Variants in PLEKHG3 observed in about 807,000 individuals in gnomAD.
PLEKHG3 encodes the protein pleckstrin homology and RhoGEF domain containing G3, also known as pleckstrin homology domain-containing family G member 3.
A neutral mutation model predicts 94.9 loss-of-function variants in PLEKHG3; 62 were observed. The ratio of observed to expected loss-of-function variants is 0.65; its 90% CI spans 0.53 to 0.81. The LOEUF is 0.81. Ranked by LOEUF, PLEKHG3 falls within the 30% of genes least tolerant of loss-of-function variation. PLEKHG3 has a pLI of 0.00. For synonymous variants in PLEKHG3, 614 were observed against 654.0 expected, an observed-to-expected ratio of 0.94 and a Z score of 0.93; for missense variants, 1,461 against 1,619.3, an observed-to-expected ratio of 0.90 and a Z score of 1.68.
At position 64,722,818 on chromosome 14, in the gene PLEKHG3, C is replaced by G. The variant is rs187923611; in HGVS notation, c.-39-4775C>G. 3.9e-5 allele frequency among the ~76,000 whole-genome samples: 6 copies of G among 152,286 alleles called. No individual in the cohort carries two copies. In the East Asian group the frequency reaches 1.2e-3, roughly 29 times the overall value. ...CAACTCACTGGCCTGGGAGGGAGAG[C>G]CAGTGGGAGTGGGCTGACTCCTGGG... On this transcript the variant is annotated intron_variant, in intron 1 of 16. Coordinates refer to ENST00000247226, the MANE Select transcript of PLEKHG3 (RefSeq NM_001308147.2). The surrounding 1 kb of genome is among the most constrained non-coding windows in gnomAD (Gnocchi z 4.3).
intron 1 of PLEKHG3, among the ~76,000 whole-genome samples, chr14:64,707,122 G>A (rs1030727039): frequency 6.6e-6 from 1 of 152,154 alleles, no homozygotes; most frequent in African/African-American, 2.4e-5. Flanking sequence ...CCTTTGTTCC[G>A]TGGCTGCAAA....
At chr14:64,706,568 G>A (rs562523211) in intron 1 of PLEKHG3, among the ~76,000 whole-genome samples, 6 of 152,330 alleles carry the variant, frequency 3.9e-5, no homozygotes, top group African/African-American at 1.4e-4. Context: ...GGCTCGGGAG[G>A]GAGTCTCCCA....
intron 1 of PLEKHG3, among the ~76,000 whole-genome samples, chr14:64,712,907 C>T (rs1263883184): frequency 6.6e-6 from 1 of 152,140 alleles, no homozygotes; most frequent in Non-Finnish European, 1.5e-5. Context: ...AAAGCATTGT[C>T]TTTCTCCATT....
In PLEKHG3 at chr14:64,732,332, T is replaced by C. The variant is rs2081483866; in HGVS notation, c.1213-95T>C. 1.6e-6 allele frequency: 2 copies of C among 1,290,288 alleles called. No homozygotes were observed. The highest frequency in any genetic ancestry group is 2.3e-6 in the Non-Finnish European group (2 of 885,900). 79.9% of individuals were successfully genotyped at this position (1,290,288 alleles called of 1,614,324 possible). On this transcript the variant is annotated intron_variant, in intron 10 of 16. Transcript: ENST00000247226. The surrounding 1 kb of genome is among the most constrained non-coding windows in gnomAD (Gnocchi z 4.9). ...GATGCCCCGGGCCTTGGTGCAGCAC[T>C]GTGGGGTGTCCTCGTACAGCAACAG...
At position 64,718,263 on chromosome 14, in the gene PLEKHG3, C is replaced by T. The variant is rs2081203263; in HGVS notation, c.-39-9330C>T. ...TACTCTGTTTATATGGCCATTTTTC[C>T]TTCTGAAGTTCAAGTTCTTCAAAGA... On this transcript the variant is annotated intron_variant, in intron 1 of 16. Transcript: ENST00000247226. This position sits in a 1 kb window ranked among gnomAD's most constrained non-coding sequence, Gnocchi z 5.0. 6.6e-6 allele frequency among the ~76,000 whole-genome samples: 1 copy of T among 152,154 alleles called. No homozygotes were observed. The highest frequency in any genetic ancestry group is 1.5e-5 in the Non-Finnish European group (1 of 68,026).
In PLEKHG3 at chr14:64,721,603, T is replaced by G. The variant is rs1165507445; in HGVS notation, c.-39-5990T>G. 6.6e-6 allele frequency among the ~76,000 whole-genome samples: 1 copy of G among 152,160 alleles called. No homozygotes were observed. The highest frequency in any genetic ancestry group is 1.5e-5 in the Non-Finnish European group (1 of 68,016). ...GGCCCAGAAACCTTGGTCACACTGT[T>G]GGCACAGCCTCTGCAGGCAGTCACG... is the stretch of plus-strand genomic sequence containing the variant. On this transcript the variant is annotated intron_variant, in intron 1 of 16. Transcript: ENST00000247226. The surrounding 1 kb of genome is among the most constrained non-coding windows in gnomAD (Gnocchi z 4.3).
Position 64,738,365 on chromosome 14 carries a change from G to C in PLEKHG3, c.1405-377G>C, listed in dbSNP as rs115650566. The C allele has an allele frequency of 2.3e-6, 1 of 427,536 alleles. No individual in the cohort carries two copies. The highest frequency in any genetic ancestry group is 6.7e-5 in the East Asian group (1 of 14,946). 26.5% of individuals were successfully genotyped at this position (427,536 alleles called of 1,614,324 possible). On this transcript the variant is annotated intron_variant, in intron 14 of 16. Coordinates refer to ENST00000247226, the MANE Select transcript of PLEKHG3 (RefSeq NM_001308147.2). The surrounding 1 kb of genome is among the most constrained non-coding windows in gnomAD (Gnocchi z 4.8). ...CCCTCAGCACTTAACACCATCGCTCGCTGTCACACCCTGGTGAGCCCCTGG... is the reference window on the plus strand; with the variant it reads ...CCCTCAGCACTTAACACCATCGCTCCCTGTCACACCCTGGTGAGCCCCTGG...
In PLEKHG3 at chr14:64,749,031, T is replaced by C. The variant is rs2081896132; in HGVS notation, c.*5328T>C. On this transcript the variant is annotated 3_prime_UTR_variant, in exon 17 of 17. Transcript: ENST00000247226. The surrounding 1 kb of genome is among the most constrained non-coding windows in gnomAD (Gnocchi z 4.7). ...GGAGGGCGTGTGCCTCAGAGAACCG[T>C]TTCCTGCCCCCAGGCCTGGAGGCCC... is the stretch of plus-strand genomic sequence containing the variant. 5.5e-6 allele frequency: 2 copies of C among 360,920 alleles called. No homozygotes were observed. Among genetic ancestry groups the C allele is most frequent in the Admixed American group, 9.7e-5 (2 of 20,592 alleles). The allele number at this position is 360,920 out of a possible 1,614,324, so 22.4% of individuals were successfully genotyped here.
rs368995227 is a variant in PLEKHG3 at position 64,707,063 on chromosome 14, C to T, written c.-40+2359C>T. On this transcript the variant is annotated intron_variant, in intron 1 of 16. Transcript: ENST00000247226. ...CCCCATCTCAGGCCGCCCCTCTGGC[C>T]CAGGCCACTGCTCTGTCCCGCCTCT... Among the ~76,000 whole-genome samples, 30 of 152,366 alleles carry T rather than the reference C, an allele frequency of 2.0e-4. 1 individual carries two copies. The South Asian group carries it at 5.4e-3, about 27-fold the overall frequency.
At chr14:64,724,220 C>T (rs995877030) in intron 1 of PLEKHG3, among the ~76,000 whole-genome samples, 2 of 152,026 alleles carry the variant, frequency 1.3e-5, no homozygotes, top group East Asian at 3.9e-4. Flanking sequence ...AGAATGCACT[C>T]CAGCTGAGTG....
rs1357402498 is a variant in PLEKHG3 at position 64,732,394 on chromosome 14, G to A, written c.1213-33G>A. The A allele has an allele frequency of 8.7e-6, 14 of 1,600,054 alleles. No individual in the cohort carries two copies. Among genetic ancestry groups the A allele is most frequent in the African/African-American group, 1.3e-5 (1 of 74,674 alleles). The stretch of plus-strand genomic sequence containing the variant: ...GGCAGGGAAGGCCGGCACATGGTAA[G>A]GTAATAACCAGGTGTGTTTCCTTCC... On this transcript the variant is annotated intron_variant, in intron 10 of 16. Transcript: ENST00000247226. The surrounding 1 kb of genome is among the most constrained non-coding windows in gnomAD (Gnocchi z 4.9).
In PLEKHG3 at chr14:64,743,474, T is replaced by C; in HGVS notation, c.3431T>C (p.Val1144Ala). The change falls in exon 17 of 17, where the codon GTG (valine) becomes GCG (alanine). Residue 1144 changes from valine to alanine, a missense_variant. By Grantham distance (64) the Val-to-Ala change is moderately conservative. Transcript: ENST00000247226. The surrounding 1 kb of genome is among the most constrained non-coding windows in gnomAD (Gnocchi z 7.2). ...CTCACCCTGGAGGACAACCGGCGGG[T>C]GATTGTCATGGAGAAGGGACCCCTT... ...ADLTLEDNRR[V>A]IVMEKGPLPS... 1 of 1,612,744 alleles carries C rather than the reference T, an allele frequency of 6.2e-7. No homozygotes were observed. The highest frequency in any genetic ancestry group is 8.5e-7 in the Non-Finnish European group (1 of 1,179,938).
Position 64,717,474 on chromosome 14 carries a change from G to T in PLEKHG3, c.-39-10119G>T, listed in dbSNP as rs971269479. Among the ~76,000 whole-genome samples, 2 of 152,174 alleles carry T rather than the reference G, an allele frequency of 1.3e-5. No individual in the cohort carries two copies. Among genetic ancestry groups the T allele is most frequent in the Admixed American group, 6.5e-5 (1 of 15,286 alleles). On this transcript the variant is annotated intron_variant, in intron 1 of 16. Transcript: ENST00000247226. The surrounding 1 kb of genome is among the most constrained non-coding windows in gnomAD (Gnocchi z 4.7). ...GGGGGAAGGAAAAAACCCTTGGGTAGTAAGATGCACACAAACTCCTCCCCC... is the reference window on the plus strand; with the variant it reads ...GGGGGAAGGAAAAAACCCTTGGGTATTAAGATGCACACAAACTCCTCCCCC...
chr14:64,748,805 G>A lies in PLEKHG3; in HGVS notation c.*5102G>A, dbSNP rs924499710. On this transcript the variant is annotated 3_prime_UTR_variant, in exon 17 of 17. Transcript: ENST00000247226. ...GGCTCCTTCCTCATGCCCCTAGGGG[G>A]CTGGCCATGCATTTCCAGTGTCTTC... 6.2e-6 allele frequency: 1 copy of A among 162,272 alleles called. No homozygotes were observed. The highest frequency in any genetic ancestry group is 6.4e-5 in the Admixed American group (1 of 15,656). The allele number at this position is 162,272 out of a possible 1,614,324, so 10.1% of individuals were successfully genotyped here.
Position 64,716,147 on chromosome 14 carries a change from T to G in PLEKHG3, c.-40+11443T>G, listed in dbSNP as rs2081141318. 1 of 433,354 alleles carries G rather than the reference T, an allele frequency of 2.3e-6. No homozygotes were observed. Among genetic ancestry groups the G allele is most frequent in the Admixed American group, 2.5e-5 (1 of 39,564 alleles). 26.8% of individuals were successfully genotyped at this position (433,354 alleles called of 1,614,324 possible). ...GATGGGAATGGGGTGGGATGGGGAC[T>G]CTTTCAACTCCGGGCCTCTAAGCCT... On this transcript the variant is annotated intron_variant, in intron 1 of 16. Transcript: ENST00000247226. The surrounding 1 kb of genome is among the most constrained non-coding windows in gnomAD (Gnocchi z 5.0).
At position 64,738,370 on chromosome 14, in the gene PLEKHG3, C is replaced by T. The variant is rs1425965023; in HGVS notation, c.1405-372C>T. 2.4e-5 allele frequency: 10 copies of T among 425,436 alleles called. No individual in the cohort carries two copies. The highest frequency in any genetic ancestry group is 4.3e-5 in the Non-Finnish European group (10 of 233,200). The allele number at this position is 425,436 out of a possible 1,614,324, so 26.4% of individuals were successfully genotyped here. A position where few individuals can be genotyped will look rare whatever the true frequency, so the allele number is the denominator to read the frequency against. On this transcript the variant is annotated intron_variant, in intron 14 of 16. Transcript: ENST00000247226. The surrounding 1 kb of genome is among the most constrained non-coding windows in gnomAD (Gnocchi z 4.8). ...AGCACTTAACACCATCGCTCGCTGTCACACCCTGGTGAGCCCCTGGCATGC... is the reference window on the plus strand; with the variant it reads ...AGCACTTAACACCATCGCTCGCTGTTACACCCTGGTGAGCCCCTGGCATGC...
In PLEKHG3 at chr14:64,730,621, C is replaced by T; in HGVS notation, c.520-21C>T. Reference sequence around the variant, plus strand: ...TCAAATGAGAATCTCCCTGAAATCACTATTTTTGATCTCTTCTTAGAGCCA... The same window carrying T: ...TCAAATGAGAATCTCCCTGAAATCATTATTTTTGATCTCTTCTTAGAGCCA... On this transcript the variant is annotated intron_variant, in intron 4 of 16. Coordinates refer to ENST00000247226, the MANE Select transcript of PLEKHG3 (RefSeq NM_001308147.2). This position sits in a 1 kb window ranked among gnomAD's most constrained non-coding sequence, Gnocchi z 5.4. The T allele has an allele frequency of 6.3e-7, 1 of 1,599,464 alleles. No homozygotes were observed. The highest frequency in any genetic ancestry group is 8.6e-7 in the Non-Finnish European group (1 of 1,166,750).
Position 64,743,758 on chromosome 14 carries a change from C to T in PLEKHG3, c.*55C>T. Reference sequence around the variant, plus strand: ...GTTGGAGGTTGGGGAAGAACCTGGGCATCCTTCCCCTCAAGCCTGGGCTCA... The same window carrying T: ...GTTGGAGGTTGGGGAAGAACCTGGGTATCCTTCCCCTCAAGCCTGGGCTCA... On this transcript the variant is annotated 3_prime_UTR_variant, in exon 17 of 17. Transcript: ENST00000247226. The surrounding 1 kb of genome is among the most constrained non-coding windows in gnomAD (Gnocchi z 7.2). 1 of 1,491,806 alleles carries T rather than the reference C, an allele frequency of 6.7e-7. No individual in the cohort carries two copies. 92.4% of individuals were successfully genotyped at this position (1,491,806 alleles called of 1,614,324 possible). A position where few individuals can be genotyped will look rare whatever the true frequency, so the allele number is the denominator to read the frequency against.
intron 1 of PLEKHG3, among the ~76,000 whole-genome samples, chr14:64,711,104 C>T (rs2081060787): frequency 6.6e-6 from 1 of 152,158 alleles, no homozygotes; most frequent in Non-Finnish European, 1.5e-5. Context: ...ACTTCACCCA[C>T]CCCAGATGAG....
Sources: allele counts gnomAD v4.1 joint callset (sites outside exome capture counted in the v4.1 genomes callset), GRCh38; gene constraint gnomAD v4.1.1; non-coding constraint Gnocchi (gnomAD v3.1); transcripts MANE v1.5; gene names NCBI Gene and HGNC (gene_info 2026-07-23, HGNC 2026-07-21).